The following SIRPA variants were observed in gnomAD, a reference collection of about 807,000 sequenced individuals.
The protein encoded by SIRPA is tyrosine-protein phosphatase non-receptor type substrate 1.
In SIRPA, 9 loss-of-function variants were observed where a neutral mutation model predicts 50.3. The observed-to-expected ratio is 0.18, with a 90% CI of 0.11 to 0.31. The LOEUF is 0.31. Among genes scored for constraint, SIRPA ranks in the 10% least tolerant of loss-of-function variants. The probability of loss-of-function intolerance (pLI) is 1.00; values close to 1 mark genes in which losing one functional copy is unlikely to be tolerated. For synonymous variants in SIRPA, 265 were observed against 284.1 expected (o/e 0.93, Z 0.68); for missense variants, 474 against 661.6 (o/e 0.72, Z 3.11).
chr20:1,935,952 C>A (rs1231838947), intron 7 of SIRPA, among the ~76,000 whole-genome samples: 1 of 152,172 alleles, frequency 6.6e-6, no homozygotes, highest in Non-Finnish European at 1.5e-5. Flanking sequence ...GAGTCCAACA[C>A]ACTTTGGTTC....
intron 4 of SIRPA, among the ~76,000 whole-genome samples, chr20:1,923,949 G>A (rs1985816704): frequency 6.6e-6 from 1 of 151,996 alleles, no homozygotes; most frequent in African/African-American, 2.4e-5. Context: ...CTTTTTGAGT[G>A]AAAGAGGATA....
intron 1 of SIRPA, among the ~76,000 whole-genome samples, chr20:1,906,269 G>A (rs1984539902): frequency 6.6e-6 from 1 of 152,322 alleles, no homozygotes. Context: ...GCCAGTGCCA[G>A]GCACTGCTCC....
Position 1,937,276 on chromosome 20 carries a change from G to C in SIRPA, c.1267-44G>C, listed in dbSNP as rs1986629793. 6.3e-7 allele frequency: 1 copy of C among 1,590,878 alleles called. No individual in the cohort carries two copies. Among genetic ancestry groups the C allele is most frequent in the Non-Finnish European group, 8.6e-7 (1 of 1,165,654 alleles). ...TTGAGTGAGTGGGCCAGGGGCTATA[G>C]AATGACCTTCTCATGACTTTCTCTT... On this transcript the variant is annotated intron_variant, in intron 7 of 7. Coordinates refer to ENST00000358771, the MANE Select transcript of SIRPA (RefSeq NM_001040023.2). This position sits in a 1 kb window ranked among gnomAD's most constrained non-coding sequence, Gnocchi z 8.3.
chr20:1,924,908 G>T lies in SIRPA; in HGVS notation c.1201+31G>T, dbSNP rs1443353721. The T allele has an allele frequency of 2.6e-6, 4 of 1,565,870 alleles. No individual in the cohort carries two copies. Among genetic ancestry groups the T allele is most frequent in the Non-Finnish European group, 3.5e-6 (4 of 1,136,450 alleles). On this transcript the variant is annotated intron_variant, in intron 5 of 7. Coordinates refer to ENST00000358771, the MANE Select transcript of SIRPA (RefSeq NM_001040023.2). This position sits in a 1 kb window ranked among gnomAD's most constrained non-coding sequence, Gnocchi z 4.5. The stretch of plus-strand genomic sequence containing the variant: ...TGCATTCCCCTCTTCCTCCCTAAGG[G>T]TTTGTCCCTGGACTGTCCTCGGAGG...
chr20:1,901,040 A>G (rs781178507), intron 1 of SIRPA, among the ~76,000 whole-genome samples: 24 of 151,894 alleles, frequency 1.6e-4, no homozygotes, highest in Admixed American at 1.6e-3. Context: ...CTGTTGTGCC[A>G]TTCCTTAGCC....
intron 1 of SIRPA, among the ~76,000 whole-genome samples, chr20:1,904,407 C>T (rs1172204311): frequency 6.6e-6 from 1 of 152,158 alleles, no homozygotes; most frequent in African/African-American, 2.4e-5. Flanking sequence ...GTTAGCCTCC[C>T]CCAGAGGGTC....
intron 6 of SIRPA, among the ~76,000 whole-genome samples, chr20:1,931,482 G>GT (rs1238489482): frequency 6.6e-6 from 1 of 152,188 alleles, no homozygotes; most frequent in Admixed American, 6.5e-5. Context: ...TTTTCTGCCT[G>GT]TTTTTTATTT....
chr20:1,907,598 T>A (rs2123035426), intron 1 of SIRPA, among the ~76,000 whole-genome samples: 1 of 152,334 alleles, frequency 6.6e-6, no homozygotes, highest in South Asian at 2.1e-4. Flanking sequence ...CAGGAAGTCT[T>A]CCTGGGTTTC....
intron 2 of SIRPA, among the ~76,000 whole-genome samples, chr20:1,915,755 T>A (rs6132062): frequency 0.37 from 56,549 of 152,046 alleles, 10,848 homozygotes; most frequent in East Asian, 0.66. Context: ...TGACAGATAG[T>A]GTGACTTGCC....
intron 1 of SIRPA, among the ~76,000 whole-genome samples, chr20:1,897,738 T>TG (rs1052806539): frequency 9.0e-5 from 12 of 134,022 alleles, no homozygotes; most frequent in African/African-American, 5.6e-5. Context: ...ATCACTGTTT[T>TG]GGGGGGGTGG....
chr20:1,905,558 G>A (rs1338903124), intron 1 of SIRPA, among the ~76,000 whole-genome samples: 1 of 152,178 alleles, frequency 6.6e-6, no homozygotes, highest in African/African-American at 2.4e-5. Flanking sequence ...GGCAATGGTT[G>A]GGGCCTGGAG....
At chr20:1,899,710 C>G (rs1454857218) in intron 1 of SIRPA, among the ~76,000 whole-genome samples, 1 of 152,204 alleles carries the variant, frequency 6.6e-6, no homozygotes, top group Middle Eastern at 3.2e-3. Flanking sequence ...GACACACACC[C>G]TGGCCTAGCG....
chr20:1,895,559 C>T (rs1568490198), intron 1 of SIRPA, 33 bp downstream of exon 1: 1 of 1,382,292 alleles, frequency 7.2e-7, no homozygotes, highest in Non-Finnish European at 9.4e-7. Context: ...CCGCTGCACT[C>T]CCCAAACTGC....
chr20:1,925,025 C>G (rs995756477), intron 5 of SIRPA, 148 bp downstream of exon 5: 23 of 661,838 alleles, frequency 3.5e-5, no homozygotes, highest in Non-Finnish European at 5.4e-5. Flanking sequence ...GGGCAGTGGC[C>G]TCACCATGTT....
chr20:1,909,420 G>T (rs893097149), intron 1 of SIRPA, among the ~76,000 whole-genome samples: 5 of 152,198 alleles, frequency 3.3e-5, no homozygotes, highest in African/African-American at 1.2e-4. Context: ...ACACCCCAGG[G>T]TAAGGCAGCC....
In SIRPA at chr20:1,924,311, GC is replaced by G. The variant is rs1353023097; in HGVS notation, c.1088-450del. Among the ~76,000 whole-genome samples, 1 of 152,146 alleles carries G rather than the reference GC, an allele frequency of 6.6e-6. No individual in the cohort carries two copies. The highest frequency in any genetic ancestry group is 1.5e-5 in the Non-Finnish European group (1 of 68,018). ...CTAACTCCTGAGCCCAGTGTGCATG[GC>G]CCAGGTGCTGGGCACAGACCGGTCG... On this transcript the variant is annotated intron_variant, in intron 4 of 7. Coordinates refer to ENST00000358771, the MANE Select transcript of SIRPA (RefSeq NM_001040023.2). This position sits in a 1 kb window ranked among gnomAD's most constrained non-coding sequence, Gnocchi z 4.5.
intron 2 of SIRPA, among the ~76,000 whole-genome samples, chr20:1,917,979 T>C (rs977720109): frequency 6.6e-6 from 1 of 152,078 alleles, no homozygotes; most frequent in Non-Finnish European, 1.5e-5. Context: ...ACTTGCTCAA[T>C]TGATTGACAT....
intron 1 of SIRPA, among the ~76,000 whole-genome samples, chr20:1,899,026 G>T (rs749456767): frequency 2.0e-5 from 3 of 151,950 alleles, no homozygotes; most frequent in African/African-American, 7.3e-5. Context: ...ACACGCGCTC[G>T]CTTGCTGCTT....
At position 1,940,533 on chromosome 20, in the gene SIRPA, T is replaced by G. The variant is rs1986802329; in HGVS notation, c.*2965T>G. ...TGTTAGTTTCCTTTCTATCCCTCCA[T>G]TAGATCATTAATGATATTAGTGCTA... is the stretch of plus-strand genomic sequence containing the variant. On this transcript the variant is annotated 3_prime_UTR_variant, in exon 8 of 8. Transcript: ENST00000358771. The G allele has an allele frequency of 1.3e-5, 2 of 152,202 alleles. No homozygotes were observed. Among genetic ancestry groups the G allele is most frequent in the African/African-American group, 4.8e-5 (2 of 41,446 alleles). The allele number at this position is 152,202 out of a possible 1,614,324, so 9.4% of individuals were successfully genotyped here.
Sources: allele counts gnomAD v4.1 joint callset (sites outside exome capture counted in the v4.1 genomes callset), GRCh38; gene constraint gnomAD v4.1.1; non-coding constraint Gnocchi (gnomAD v3.1); transcripts MANE v1.5; gene names NCBI Gene and HGNC (gene_info 2026-07-23, HGNC 2026-07-21).